Variants in CBFA2T3 observed in about 807,000 individuals in gnomAD.
CBFA2T3 encodes CBFA2/RUNX1 partner transcriptional co-repressor 3.
CBFA2T3 carries 31 observed loss-of-function variants against 58.6 expected under a neutral mutation model. The ratio of observed to expected loss-of-function variants is 0.53; its 90% CI spans 0.40 to 0.71. The LOEUF (loss-of-function observed/expected upper bound fraction) is 0.71, where lower values mean the gene tolerates loss of function less well. CBFA2T3 is among the 30% of genes least tolerant of loss of function. The probability of loss-of-function intolerance (pLI) is 0.00; values close to 1 mark genes in which losing one functional copy is unlikely to be tolerated. For synonymous variants in CBFA2T3, 531 were observed against 421.9 expected, an observed-to-expected ratio of 1.26 and a Z score of -3.17; for missense variants, 1,076 against 963.1, an observed-to-expected ratio of 1.12 and a Z score of -1.55.
In CBFA2T3 at chr16:88,877,059, T is replaced by G. The variant is rs1281686619; in HGVS notation, c.1879A>C (p.Ser627Arg). The change falls in exon 12 of 12, where the codon AGC becomes CGC. Residue 627 changes from serine to arginine, a missense_variant. Ser to Arg is a moderately radical substitution (Grantham distance 110). Coordinates refer to ENST00000268679, the MANE Select transcript of CBFA2T3 (RefSeq NM_005187.6). ...CCCGCAGAGCCGGCTTCGCTGGGGC[T>G]GGCAGCACCCACAGGCAGGGAGGGG... ...LGPSLPVGAASPSEAGSAGPS... is the reference protein window; with the variant it reads ...LGPSLPVGAARPSEAGSAGPS... The G allele has an allele frequency of 6.6e-7, 1 of 1,525,204 alleles. No individual in the cohort carries two copies. The highest frequency in any genetic ancestry group is 2.5e-5 in the East Asian group (1 of 40,268). 94.5% of individuals were successfully genotyped at this position (1,525,204 alleles called of 1,614,324 possible).
intron 1 of CBFA2T3, among the ~76,000 whole-genome samples, chr16:88,963,301 A>G (rs78698104): frequency 6.1e-3 from 374 of 61,800 alleles, no homozygotes; most frequent in Middle Eastern, 0.034. Flanking sequence ...GTGGGCGCTC[A>G]TCTTCTGCCA....
At chr16:88,931,784 C>T (rs1646235) in intron 1 of CBFA2T3, among the ~76,000 whole-genome samples, 125,836 of 151,928 alleles carry the variant, frequency 0.83, 52,939 homozygotes, top group African/African-American at 0.96. Flanking sequence ...TGGTTGGATG[C>T]AGGTGCTGTG....
At chr16:88,934,610 G>A (rs901485095) in intron 1 of CBFA2T3, among the ~76,000 whole-genome samples, 16 of 152,372 alleles carry the variant, frequency 1.1e-4, no homozygotes, top group Middle Eastern at 3.4e-3. Flanking sequence ...CCAGAGGAGC[G>A]GAGAGGAGTC....
intron 1 of CBFA2T3, among the ~76,000 whole-genome samples, chr16:88,935,178 C>T (rs1320943215): frequency 2.0e-5 from 3 of 152,206 alleles, no homozygotes; most frequent in Non-Finnish European, 4.4e-5. Flanking sequence ...AGAGACCCAA[C>T]GCTGCCCCCG....
intron 1 of CBFA2T3, among the ~76,000 whole-genome samples, chr16:88,965,054 T>C (rs1003464703): frequency 4.7e-5 from 7 of 149,080 alleles, no homozygotes; most frequent in Non-Finnish European, 1.0e-4. Flanking sequence ...CATCCATCCA[T>C]CCACCCATCC....
chr16:88,942,567 A>G (rs1188184509), intron 1 of CBFA2T3, among the ~76,000 whole-genome samples: 1 of 152,086 alleles, frequency 6.6e-6, no homozygotes, highest in Non-Finnish European at 1.5e-5. Flanking sequence ...TGGCAGAGGA[A>G]GGGGACGGAA....
At chr16:88,907,659 C>T (rs1970383893) in intron 1 of CBFA2T3, among the ~76,000 whole-genome samples, 1 of 152,214 alleles carries the variant, frequency 6.6e-6, no homozygotes, top group South Asian at 2.1e-4. Context: ...CCACAGAGGG[C>T]ACCTGCAGCC....
chr16:88,887,612 C>G (rs1266180777), intron 5 of CBFA2T3, among the ~76,000 whole-genome samples: 1 of 152,148 alleles, frequency 6.6e-6, no homozygotes. Context: ...CACAGCAGCC[C>G]TCGGCAAGCA....
At chr16:88,938,190 G>A (rs567974421) in intron 1 of CBFA2T3, 58 of 152,388 alleles carry the variant, frequency 3.8e-4, no homozygotes, top group African/African-American at 1.4e-3. Context: ...ATCCAGGTGA[G>A]GGCTTTTGCA....
chr16:88,893,968 C>A (rs1166492388), intron 3 of CBFA2T3, among the ~76,000 whole-genome samples: 1 of 152,172 alleles, frequency 6.6e-6, no homozygotes, highest in Non-Finnish European at 1.5e-5. Context: ...GACTGGATGC[C>A]TCTGGGAGGC....
At chr16:88,957,078 C>T (rs1286999571) in intron 1 of CBFA2T3, among the ~76,000 whole-genome samples, 1 of 152,218 alleles carries the variant, frequency 6.6e-6, no homozygotes, top group Non-Finnish European at 1.5e-5. Context: ...CACGCTCTCT[C>T]CCGGAACAAA....
At chr16:88,892,873 C>T (rs1414034571) in intron 3 of CBFA2T3, among the ~76,000 whole-genome samples, 1 of 152,224 alleles carries the variant, frequency 6.6e-6, no homozygotes, top group Non-Finnish European at 1.5e-5. Flanking sequence ...TCCTGCCTGG[C>T]ACCACTCTTG....
At chr16:88,896,307 G>A (rs968676342) in intron 3 of CBFA2T3, among the ~76,000 whole-genome samples, 2 of 152,184 alleles carry the variant, frequency 1.3e-5, no homozygotes, top group African/African-American at 2.4e-5. Flanking sequence ...CCCCTCAACC[G>A]GGCAACCTGC....
In CBFA2T3 at chr16:88,976,935, G is replaced by C. The variant is rs368867057; in HGVS notation, c.-128C>G. 1.3e-5 allele frequency: 16 copies of C among 1,215,728 alleles called. No homozygotes were observed. Among genetic ancestry groups the C allele is most frequent in the South Asian group, 1.1e-4 (7 of 62,890 alleles). 75.3% of individuals were successfully genotyped at this position (1,215,728 alleles called of 1,614,324 possible). On this transcript the variant is annotated 5_prime_UTR_variant, in exon 1 of 12. Coordinates refer to ENST00000268679, the MANE Select transcript of CBFA2T3 (RefSeq NM_005187.6). ...GGCCAGCTGGGGCGTCCTGGAGTTG[G>C]GCCTCTGTCCCTGGAAAGCCGAGGC...
At chr16:88,888,598 T>TG (rs1291983611) in intron 5 of CBFA2T3, among the ~76,000 whole-genome samples, 146 of 1,982 alleles carry the variant, frequency 0.074, 17 homozygotes, top group African/African-American at 0.28. Flanking sequence ...TGGGGTGGGG[T>TG]GGGTGGGAGG....
rs113087394 is a variant in CBFA2T3, at chr16:88,969,642, G to A, written c.151+7015C>T. On this transcript the variant is annotated intron_variant, in intron 1 of 11. Transcript: ENST00000268679. ...GACCAGGGAGCCGAGGGAGAGGGGG[G>A]CGGGGCCGGCCTGACGACGCACAGA... Among the ~76,000 whole-genome samples, 542 of 152,368 alleles carry A rather than the reference G, an allele frequency of 3.6e-3. 1 individual carries two copies. The highest frequency in any genetic ancestry group is 8.1e-3 in the Admixed American group (124 of 15,314).
At chr16:88,889,317 G>C (rs1218170532) in intron 5 of CBFA2T3, among the ~76,000 whole-genome samples, 1 of 137,046 alleles carries the variant, frequency 7.3e-6, no homozygotes, top group Non-Finnish European at 1.6e-5. Flanking sequence ...AGAGGAGGGA[G>C]GGCAGGAGGA....
chr16:88,926,780 T>C (rs892615303), intron 1 of CBFA2T3, among the ~76,000 whole-genome samples: 3 of 152,216 alleles, frequency 2.0e-5, no homozygotes, highest in Non-Finnish European at 4.4e-5. Flanking sequence ...GAATTCCTCC[T>C]CTGGATTGGG....
chr16:88,913,541 G>A lies in CBFA2T3; in HGVS notation c.152-11885C>T, dbSNP rs535687473. On this transcript the variant is annotated intron_variant, in intron 1 of 11. Coordinates refer to ENST00000268679, the MANE Select transcript of CBFA2T3 (RefSeq NM_005187.6). ...TCACAGCTGGTGAGAGGGAGGCTGG[G>A]AAGCTGGAGAAGAGAAGTGACCCAT... 1.0e-3 allele frequency among the ~76,000 whole-genome samples: 154 copies of A among 152,304 alleles called. 1 individual carries two copies. Among genetic ancestry groups the A allele is most frequent in the African/African-American group, 3.6e-3 (150 of 41,570 alleles).
Sources: allele counts gnomAD v4.1 joint callset (sites outside exome capture counted in the v4.1 genomes callset), GRCh38; gene constraint gnomAD v4.1.1; transcripts MANE v1.5; gene names NCBI Gene and HGNC (gene_info 2026-07-23, HGNC 2026-07-21).